WWOX: variants seen among roughly 807,000 people sequenced by gnomAD.
WWOX encodes WW domain-containing oxidoreductase.
WWOX carries 69 observed loss-of-function variants against 46.2 expected under a neutral mutation model. The observed-to-expected ratio is 1.49, with a 90% confidence interval of 1.23 to 1.82. WWOX has a LOEUF of 1.82. Among genes scored for constraint, WWOX ranks in the 40% most tolerant of loss-of-function variants. WWOX has a pLI of 0.00. For missense variants in WWOX, 919 were observed against 542.6 expected (o/e 1.69, Z -6.89); for synonymous variants, 359 against 202.6 (o/e 1.77, Z -6.56).
At chr16:78,845,926 T>TTG (rs2052287088) in intron 8 of WWOX, among the ~76,000 whole-genome samples, 1 of 152,182 alleles carries the variant, frequency 6.6e-6, no homozygotes, top group Non-Finnish European at 1.5e-5. Flanking sequence ...TTATGCCTAA[T>TTG]TGTGCCACCA....
At chr16:78,375,045 C>G (rs1012694014) in intron 5 of WWOX, among the ~76,000 whole-genome samples, 1 of 152,164 alleles carries the variant, frequency 6.6e-6, no homozygotes, top group African/African-American at 2.4e-5. Flanking sequence ...GAGGCAGATA[C>G]CATTTTAAGC....
chr16:78,935,243 C>G lies in WWOX; in HGVS notation c.1057-276365C>G, dbSNP rs1287871888. Among the ~76,000 whole-genome samples the G allele has an allele frequency of 2.6e-5, 4 of 152,318 alleles. No individual in the cohort carries two copies. The East Asian group carries it at 7.7e-4, about 29-fold the overall frequency. ...TAGAAATACCATTTGACCCAGCCATCCCATTACTGGGTATATACCCAAAGG... is the reference window on the plus strand; with the variant it reads ...TAGAAATACCATTTGACCCAGCCATGCCATTACTGGGTATATACCCAAAGG... On this transcript the variant is annotated intron_variant, in intron 8 of 8. Coordinates refer to ENST00000566780, the MANE Select transcript of WWOX (RefSeq NM_016373.4).
chr16:79,128,359 G>C (rs994513073), intron 8 of WWOX, among the ~76,000 whole-genome samples: 1 of 149,324 alleles, frequency 6.7e-6, no homozygotes, highest in African/African-American at 2.5e-5. Flanking sequence ...ATAGGTCTTA[G>C]AAGTGTGAAA....
At chr16:79,063,188 A>C (rs1450995111) in intron 8 of WWOX, among the ~76,000 whole-genome samples, 1 of 152,252 alleles carries the variant, frequency 6.6e-6, no homozygotes, top group African/African-American at 2.4e-5. Flanking sequence ...GGAAATGTTC[A>C]CATTGCTTGC....
chr16:78,558,367 T>C (rs1029502673), intron 8 of WWOX, among the ~76,000 whole-genome samples: 4 of 152,238 alleles, frequency 2.6e-5, no homozygotes, highest in South Asian at 4.1e-4. Context: ...TGAAATAAAT[T>C]AGCTGTGAAC....
chr16:79,134,025 G>A (rs1286237738), intron 8 of WWOX, among the ~76,000 whole-genome samples: 1 of 152,140 alleles, frequency 6.6e-6, no homozygotes, highest in African/African-American at 2.4e-5. Context: ...CAAGCATGTA[G>A]GAAGAGTTTG....
chr16:78,775,225 C>CTA (rs2050160077), intron 8 of WWOX, among the ~76,000 whole-genome samples: 1 of 152,158 alleles, frequency 6.6e-6, no homozygotes, highest in Non-Finnish European at 1.5e-5. Context: ...ATTATCAGGA[C>CTA]TGTATTCAGC....
chr16:78,155,847 C>A (rs936591465), intron 4 of WWOX, among the ~76,000 whole-genome samples: 1 of 152,156 alleles, frequency 6.6e-6, no homozygotes. Context: ...GGATGTTATT[C>A]TCTTGGGTTT....
chr16:79,082,523 G>C (rs1458373379), intron 8 of WWOX, among the ~76,000 whole-genome samples: 2 of 152,180 alleles, frequency 1.3e-5, no homozygotes, highest in African/African-American at 4.8e-5. Flanking sequence ...AAGGAACTGT[G>C]TGCCTCGCAT....
At chr16:78,335,393 C>T (rs968016885) in intron 5 of WWOX, among the ~76,000 whole-genome samples, 1 of 152,188 alleles carries the variant, frequency 6.6e-6, no homozygotes, top group African/African-American at 2.4e-5. Context: ...TTTTCAGTTT[C>T]TGCATAAGTT....
At chr16:78,240,295 A>G (rs1004678273) in intron 5 of WWOX, among the ~76,000 whole-genome samples, 7 of 151,646 alleles carry the variant, frequency 4.6e-5, no homozygotes, top group Non-Finnish European at 1.0e-4. Context: ...CCTGGGCAAT[A>G]TAGCAAGACC....
rs372970872 is a variant in WWOX, at chr16:78,990,202, AGAG to A, written c.1057-221405_1057-221403del. Among the ~76,000 whole-genome samples the A allele has an allele frequency of 4.3e-4, 60 of 140,296 alleles. 1 individual carries two copies. The highest frequency in any genetic ancestry group is 1.3e-3 in the African/African-American group (47 of 35,048). 92.0% of individuals were successfully genotyped at this position (140,296 alleles called of 152,430 possible). On this transcript the variant is annotated intron_variant, in intron 8 of 8. Coordinates refer to ENST00000566780, the MANE Select transcript of WWOX (RefSeq NM_016373.4). ...TTGTCTCACCAAAAAAAAAAAAAAA[AGAG>A]AGAGAGGTTGAGCTCAACTGATCAG...
intron 8 of WWOX, among the ~76,000 whole-genome samples, chr16:79,126,464 A>T (rs1047209108): frequency 1.3e-5 from 2 of 151,984 alleles, no homozygotes; most frequent in African/African-American, 4.8e-5. Context: ...ATGAGATCTG[A>T]TGGCTTTGTA....
chr16:78,769,312 C>A (rs957171642), intron 8 of WWOX, among the ~76,000 whole-genome samples: 4 of 152,192 alleles, frequency 2.6e-5, no homozygotes, highest in Non-Finnish European at 5.9e-5. Context: ...ATCCATCCAT[C>A]CTGCCTCCCT....
chr16:78,100,025 A>G, intron 1 of WWOX, 140 bp downstream of exon 1: 3 of 1,466,284 alleles, frequency 2.0e-6, no homozygotes, highest in South Asian at 1.4e-5. Flanking sequence ...CTTCAGGGAA[A>G]AGGGTCCAGG....
Position 78,164,192 on chromosome 16 carries a change from C to T in WWOX, c.419C>T (p.Thr140Ile), listed in dbSNP as rs750464034. The T allele has an allele frequency of 3.7e-6, 6 of 1,614,016 alleles. No homozygotes were observed. Among genetic ancestry groups the T allele is most frequent in the South Asian group, 1.1e-5 (1 of 90,988 alleles). Reference sequence around the variant, plus strand: ...TTCCTTTAAACCATAGGGTTCGAAACCGCCAAGTCTTTTGCCCTCCATGGT... The same window carrying T: ...TTCCTTTAAACCATAGGGTTCGAAATCGCCAAGTCTTTTGCCCTCCATGGT... Reference protein sequence around the residue: ...TGANSGIGFETAKSFALHGAH... With the variant: ...TGANSGIGFEIAKSFALHGAH... The change falls in exon 5 of 9, where the codon ACC becomes ATC. Residue 140 changes from threonine (T) to isoleucine (I), a missense_variant. Thr to Ile is a moderately conservative substitution (Grantham distance 89). Transcript: ENST00000566780.
intron 8 of WWOX, among the ~76,000 whole-genome samples, chr16:78,721,029 T>G (rs796593512): frequency 1.6e-4 from 25 of 152,276 alleles, no homozygotes; most frequent in African/African-American, 6.0e-4. Context: ...TGCCAACTCC[T>G]GCATTCTTAT....
intron 8 of WWOX, among the ~76,000 whole-genome samples, chr16:79,126,188 C>A (rs1479239695): frequency 6.6e-6 from 1 of 151,894 alleles, no homozygotes; most frequent in Non-Finnish European, 1.5e-5. Context: ...AGGATGTGAG[C>A]TGAGGCTTGG....
intron 8 of WWOX, among the ~76,000 whole-genome samples, chr16:78,737,254 C>T (rs2049113036): frequency 6.6e-6 from 1 of 151,638 alleles, no homozygotes; most frequent in African/African-American, 2.4e-5. Flanking sequence ...CGCCCGCCAC[C>T]ATACTTCGCT....
Sources: allele counts gnomAD v4.1 joint callset (sites outside exome capture counted in the v4.1 genomes callset), GRCh38; gene constraint gnomAD v4.1.1; transcripts MANE v1.5; gene names NCBI Gene and HGNC (gene_info 2026-07-23, HGNC 2026-07-21).